CACNA2D3: variants seen among roughly 807,000 people sequenced by gnomAD.
CACNA2D3 encodes voltage-dependent calcium channel subunit alpha-2/delta-3.
Under a neutral mutation model 160.6 loss-of-function variants are expected in CACNA2D3, and 60 were observed. The observed-to-expected ratio is 0.37, with a 90% CI of 0.30 to 0.46. The LOEUF is 0.46. CACNA2D3 is among the 20% of genes least tolerant of loss of function. The pLI is 1.00. For missense variants in CACNA2D3, 1,205 were observed against 1,365.0 expected (o/e 0.88, Z 1.85); for synonymous variants, 558 against 492.9 (o/e 1.13, Z -1.75).
intron 4 of CACNA2D3, among the ~76,000 whole-genome samples, chr3:54,496,203 G>A (rs1286975300): frequency 6.6e-6 from 1 of 152,192 alleles, no homozygotes; most frequent in African/African-American, 2.4e-5. Context: ...GTAGATATAT[G>A]TTTAACATTA....
At chr3:54,887,875 A>G in intron 23 of CACNA2D3, 84 bp from the exon 24 acceptor site, 1 of 979,682 alleles carries the variant, frequency 1.0e-6, no homozygotes, top group Non-Finnish European at 1.6e-6. Context: ...TAGCCTGCAG[A>G]TGCTGCACAA....
At chr3:54,717,767 TGTG>T (rs1701085452) in intron 11 of CACNA2D3, among the ~76,000 whole-genome samples, 2 of 141,932 alleles carry the variant, frequency 1.4e-5, no homozygotes, top group African/African-American at 5.4e-5. Flanking sequence ...CAAGCGTGTG[TGTG>T]GTGTGTGTGC....
intron 11 of CACNA2D3, among the ~76,000 whole-genome samples, chr3:54,708,658 G>A (rs1163502539): frequency 1.3e-5 from 2 of 152,174 alleles, no homozygotes; most frequent in Non-Finnish European, 2.9e-5. Context: ...ATCTTTTAGA[G>A]GAGAATGCTT....
At chr3:55,023,940 C>G (rs1703511173) in intron 35 of CACNA2D3, among the ~76,000 whole-genome samples, 1 of 146,896 alleles carries the variant, frequency 6.8e-6, no homozygotes, top group South Asian at 2.3e-4. Flanking sequence ...TAAGTGTCTT[C>G]TCTTGTAAGA....
intron 2 of CACNA2D3, among the ~76,000 whole-genome samples, chr3:54,148,947 ACCC>A (rs1482745591): frequency 7.3e-6 from 1 of 137,500 alleles, no homozygotes; most frequent in Admixed American, 8.0e-5. Context: ...ATTGTGCTCC[ACCC>A]TGGGTGACAG....
At chr3:54,276,791 T>C (rs1186254145) in intron 2 of CACNA2D3, among the ~76,000 whole-genome samples, 1 of 152,124 alleles carries the variant, frequency 6.6e-6, no homozygotes, top group Non-Finnish European at 1.5e-5. Context: ...GTCCAAATTG[T>C]TTATTTTCTG....
At chr3:54,333,654 T>C (rs1043974177) in intron 3 of CACNA2D3, among the ~76,000 whole-genome samples, 1 of 150,374 alleles carries the variant, frequency 6.7e-6, no homozygotes, top group Non-Finnish European at 1.5e-5. Context: ...AGCTGGGAAG[T>C]GCAGCCGCCT....
intron 17 of CACNA2D3, among the ~76,000 whole-genome samples, chr3:54,866,701 T>G (rs1699408721): frequency 6.6e-6 from 1 of 152,216 alleles, no homozygotes; most frequent in Admixed American, 6.5e-5. Context: ...GTCATCATCT[T>G]GGCCCAGCCC....
At chr3:54,670,435 G>A (rs777465537) in intron 11 of CACNA2D3, among the ~76,000 whole-genome samples, 22 of 152,250 alleles carry the variant, frequency 1.4e-4, no homozygotes, top group Non-Finnish European at 2.9e-4. Context: ...GGACCATAAT[G>A]AATCTTTCTG....
chr3:54,758,633 T>C (rs1005553285), intron 12 of CACNA2D3, among the ~76,000 whole-genome samples: 10 of 152,138 alleles, frequency 6.6e-5, no homozygotes, highest in South Asian at 2.1e-4. Flanking sequence ...GAACACAGTA[T>C]TGGGAGCGTC....
chr3:55,015,698 A>G (rs756933235), intron 34 of CACNA2D3, among the ~76,000 whole-genome samples: 12 of 152,250 alleles, frequency 7.9e-5, no homozygotes, highest in Admixed American at 6.5e-4. Context: ...ATGAAAATAA[A>G]AAGTGTTGCC....
chr3:54,393,553 G>T (rs1384583021), intron 4 of CACNA2D3, among the ~76,000 whole-genome samples: 2 of 152,220 alleles, frequency 1.3e-5, no homozygotes, highest in Admixed American at 6.5e-5. Context: ...GTGTGTAGCT[G>T]CTCTACCTAC....
intron 13 of CACNA2D3, among the ~76,000 whole-genome samples, chr3:54,803,453 G>T (rs1188157477): frequency 6.6e-6 from 1 of 152,256 alleles, no homozygotes; most frequent in East Asian, 1.9e-4. Flanking sequence ...TGGAAGAAAG[G>T]GTATCAGTGA....
In CACNA2D3 at chr3:54,626,244, C is replaced by G. The variant is rs1699097775; in HGVS notation, c.964-1543C>G. The G allele has an allele frequency of 1.2e-5, 13 of 1,109,520 alleles. No individual in the cohort carries two copies. In the South Asian group the frequency reaches 1.7e-4, roughly 15 times the overall value. 68.7% of individuals were successfully genotyped at this position (1,109,520 alleles called of 1,614,324 possible). On this transcript the variant is annotated intron_variant, in intron 9 of 37. Coordinates refer to ENST00000474759, the MANE Select transcript of CACNA2D3 (RefSeq NM_018398.3). ...CAGAAGTAGAGCAGAAGAAGCAGAC[C>G]TTCCGCAGGTTCACCTACCGTGGCG...
intron 9 of CACNA2D3, among the ~76,000 whole-genome samples, chr3:54,600,718 T>A (rs1378086885): frequency 6.6e-6 from 1 of 152,112 alleles, no homozygotes; most frequent in East Asian, 1.9e-4. Flanking sequence ...GTTTTTGGCT[T>A]TTCTTCCTCC....
At chr3:54,421,673 C>G (rs1699838402) in intron 4 of CACNA2D3, among the ~76,000 whole-genome samples, 1 of 152,078 alleles carries the variant, frequency 6.6e-6, no homozygotes, top group Middle Eastern at 3.2e-3. Context: ...GTAACTGTTT[C>G]CTGCTGCACG....
At chr3:54,662,689 C>T (rs913316770) in intron 11 of CACNA2D3, among the ~76,000 whole-genome samples, 1 of 152,226 alleles carries the variant, frequency 6.6e-6, no homozygotes, top group Non-Finnish European at 1.5e-5. Context: ...GCTTGCTTCT[C>T]TCCTGGATTC....
At chr3:54,930,551 T>C (rs1701161396) in intron 27 of CACNA2D3, among the ~76,000 whole-genome samples, 1 of 152,090 alleles carries the variant, frequency 6.6e-6, no homozygotes, top group Admixed American at 6.5e-5. Flanking sequence ...GACAGCACAA[T>C]TGGATGTTGG....
At chr3:54,189,569 G>C (rs748866954) in intron 2 of CACNA2D3, among the ~76,000 whole-genome samples, 14 of 152,144 alleles carry the variant, frequency 9.2e-5, no homozygotes, top group Non-Finnish European at 2.1e-4. Context: ...TGAATATGCT[G>C]TGTGAGGTGG....
Sources: gnomAD v4.1 joint callset for allele counts (sites outside exome capture counted in the v4.1 genomes callset) on GRCh38, gnomAD v4.1.1 for gene constraint, MANE v1.5 for transcripts, NCBI Gene and HGNC (gene_info 2026-07-23, HGNC 2026-07-21) for gene names.